Variants in SIDT1 observed in about 807,000 individuals in gnomAD.
The protein encoded by SIDT1 is SID1 transmembrane family member 1, also known as SID1 transmembrane family, member 1.
In SIDT1, 101 loss-of-function variants were observed where a neutral mutation model predicts 107.5. The ratio of observed to expected loss-of-function variants is 0.94; its 90% CI spans 0.80 to 1.11. SIDT1 has a LOEUF of 1.11. SIDT1 is among the 50% of genes least tolerant of loss of function. The pLI is 0.00. For missense variants in SIDT1, 1,076 were observed against 1,058.2 expected, an observed-to-expected ratio of 1.02 and a Z score of -0.23; for synonymous variants, 395 against 398.2, an observed-to-expected ratio of 0.99 and a Z score of 0.10.
rs1446407636 is a variant in SIDT1, at chr3:113,628,329, G to C, written c.*621G>C. On this transcript the variant is annotated 3_prime_UTR_variant, in exon 25 of 25. Coordinates refer to ENST00000264852, the MANE Select transcript of SIDT1 (RefSeq NM_017699.3). ...TGCCATCAGAAGGGCTCAGGAGTGGGGTTTGTCACACATTCCTCTTAACAA... is the reference window on the plus strand; with the variant it reads ...TGCCATCAGAAGGGCTCAGGAGTGGCGTTTGTCACACATTCCTCTTAACAA... 1 of 153,078 alleles carries C rather than the reference G, an allele frequency of 6.5e-6. No individual in the cohort carries two copies. The highest frequency in any genetic ancestry group is 1.5e-5 in the Non-Finnish European group (1 of 68,442). The allele number at this position is 153,078 out of a possible 1,614,324, so 9.5% of individuals were successfully genotyped here. A position where few individuals can be genotyped will look rare whatever the true frequency, so the allele number is the denominator to read the frequency against.
intron 1 of SIDT1, among the ~76,000 whole-genome samples, chr3:113,558,114 G>GGA (rs1941072508): frequency 6.6e-6 from 1 of 152,168 alleles, no homozygotes; most frequent in South Asian, 2.1e-4. Context: ...AAATGAGCCA[G>GGA]GAGAGCAATG....
chr3:113,633,965 C>T (rs1015221309), downstream of SIDT1, among the ~76,000 whole-genome samples: 3 of 152,194 alleles, frequency 2.0e-5, no homozygotes, highest in Non-Finnish European at 4.4e-5. Context: ...CGGACGCCTA[C>T]AGCCTGGCCT....
At chr3:113,619,856 G>C in intron 21 of SIDT1, 130 bp downstream of exon 21, 2 of 817,124 alleles carry the variant, frequency 2.4e-6, no homozygotes, top group South Asian at 1.6e-5. Flanking sequence ...TTGTTCTAGA[G>C]ACTCAAAAAA....
chr3:113,612,232 C>A (rs752068793), intron 19 of SIDT1, 38 bp downstream of exon 19: 2 of 1,425,440 alleles, frequency 1.4e-6, no homozygotes, highest in African/African-American at 1.4e-5. Flanking sequence ...TCACACGAAT[C>A]AACTTTAATG....
chr3:113,608,854 G>T (rs935321048), intron 17 of SIDT1, among the ~76,000 whole-genome samples: 1 of 152,106 alleles, frequency 6.6e-6, no homozygotes, highest in African/African-American at 2.4e-5. Flanking sequence ...CCTGTATGTT[G>T]GTTTTATCAT....
chr3:113,618,557 T>C (rs1267642455), intron 20 of SIDT1, among the ~76,000 whole-genome samples: 1 of 152,264 alleles, frequency 6.6e-6, no homozygotes. Flanking sequence ...AGTGTTACTG[T>C]TGCTCCACAT....
intron 23 of SIDT1, 119 bp downstream of exon 23, chr3:113,623,852 A>G: frequency 1.5e-6 from 1 of 684,096 alleles, no homozygotes; most frequent in Non-Finnish European, 2.5e-6. Context: ...TTTCTCTACC[A>G]GGGATGGTTT....
chr3:113,602,965 T>C (rs369080337), intron 11 of SIDT1, 40 bp from the exon 12 acceptor site: 1 of 1,608,066 alleles, frequency 6.2e-7, no homozygotes, highest in Non-Finnish European at 8.5e-7. Context: ...CCGTAGGCTC[T>C]CCACGGCTTT....
chr3:113,587,200 T>C (rs6787428), intron 9 of SIDT1, among the ~76,000 whole-genome samples: 38,761 of 152,076 alleles, frequency 0.25, 5,456 homozygotes, highest in East Asian at 0.59. Flanking sequence ...TGTGTGTGTG[T>C]ATCTTGATAC....
rs189024419 is a variant in SIDT1 at position 113,534,823 on chromosome 3, T to C, written c.222+1580T>C. Among the ~76,000 whole-genome samples, 5 of 152,370 alleles carry C rather than the reference T, an allele frequency of 3.3e-5. No homozygotes were observed. In the East Asian group the frequency reaches 9.6e-4, roughly 29 times the overall value. Reference sequence around the variant, plus strand: ...TCTGCATAGAGATAGAGCATCTACTTATGAATTGTTGCCTTTACATTTTCC... The same window carrying C: ...TCTGCATAGAGATAGAGCATCTACTCATGAATTGTTGCCTTTACATTTTCC... On this transcript the variant is annotated intron_variant, in intron 1 of 24. Transcript: ENST00000264852.
At chr3:113,550,259 CCT>C in intron 1 of SIDT1, among the ~76,000 whole-genome samples, 1 of 152,266 alleles carries the variant, frequency 6.6e-6, no homozygotes, top group South Asian at 2.1e-4. Context: ...CAAGATTCTC[CCT>C]CTTTTCTGGG....
At chr3:113,631,487 C>A (rs1947094907), downstream of SIDT1, among the ~76,000 whole-genome samples, 1 of 152,194 alleles carries the variant, frequency 6.6e-6, no homozygotes, top group Non-Finnish European at 1.5e-5. Flanking sequence ...ACCATGATTC[C>A]ACCCAGCTTA....
chr3:113,551,149 T>G (rs1216258078), intron 1 of SIDT1, among the ~76,000 whole-genome samples: 1 of 152,220 alleles, frequency 6.6e-6, no homozygotes, highest in African/African-American at 2.4e-5. Context: ...CACATTTTCT[T>G]TATCCAATCT....
chr3:113,532,700 G>A lies in SIDT1; in HGVS notation c.-322G>A, dbSNP rs1030819431. The A allele has an allele frequency of 3.3e-6, 1 of 302,040 alleles. No individual in the cohort carries two copies. The highest frequency in any genetic ancestry group is 6.1e-6 in the Non-Finnish European group (1 of 164,752). 18.7% of individuals were successfully genotyped at this position (302,040 alleles called of 1,614,324 possible). ...GGAGAAGAGATCGGTCTAAATTCTGGCTGGGTAAGTGGGGGGATTCTCGGC... is the reference window on the plus strand; with the variant it reads ...GGAGAAGAGATCGGTCTAAATTCTGACTGGGTAAGTGGGGGGATTCTCGGC... On this transcript the variant is annotated 5_prime_UTR_variant, in exon 1 of 25. Coordinates refer to ENST00000264852, the MANE Select transcript of SIDT1 (RefSeq NM_017699.3).
At chr3:113,601,706 G>A (rs1297262575) in intron 11 of SIDT1, 47 bp downstream of exon 11, 2 of 1,406,902 alleles carry the variant, frequency 1.4e-6, no homozygotes, top group Non-Finnish European at 2.0e-6. Context: ...TAATTCTGCA[G>A]AGAATATGAT....
At chr3:113,572,842 G>A (rs1461244744) in intron 3 of SIDT1, among the ~76,000 whole-genome samples, 1 of 152,206 alleles carries the variant, frequency 6.6e-6, no homozygotes, top group African/African-American at 2.4e-5. Context: ...AGGAGAGAGT[G>A]TGTGAGTGAG....
chr3:113,564,516 C>G (rs1294862150), intron 1 of SIDT1, among the ~76,000 whole-genome samples: 3 of 152,060 alleles, frequency 2.0e-5, no homozygotes, highest in African/African-American at 7.2e-5. Context: ...AGGAGGGTCA[C>G]TGTGATGCAG....
chr3:113,554,870 T>C (rs1940674890), intron 1 of SIDT1, among the ~76,000 whole-genome samples: 1 of 152,020 alleles, frequency 6.6e-6, no homozygotes, highest in South Asian at 2.1e-4. Context: ...GCCAGTCAGA[T>C]CTGCTTTCCC....
intron 11 of SIDT1, chr3:113,601,965 A>T (rs1216336334): frequency 7.6e-6 from 2 of 264,016 alleles, no homozygotes; most frequent in Non-Finnish European, 1.4e-5. Flanking sequence ...TTAGGGCATG[A>T]AAGATGTGTC....
Sources: gnomAD v4.1 joint callset for allele counts (sites outside exome capture counted in the v4.1 genomes callset) on GRCh38, gnomAD v4.1.1 for gene constraint, MANE v1.5 for transcripts, NCBI Gene and HGNC (gene_info 2026-07-23, HGNC 2026-07-21) for gene names.